Variants in TTLL7 observed in about 807,000 individuals in gnomAD.
TTLL7 encodes the protein tubulin tyrosine ligase like 7, also known as tubulin polyglutamylase TTLL7.
Under a neutral mutation model 120.2 loss-of-function variants are expected in TTLL7, and 53 were observed. The observed-to-expected ratio is 0.44, with a 90% CI of 0.35 to 0.55. TTLL7 has a LOEUF of 0.55. TTLL7 is among the 20% of genes least tolerant of loss of function. The pLI is 0.00. For missense variants in TTLL7, 803 were observed against 1,054.7 expected, an observed-to-expected ratio of 0.76 and a Z score of 3.31; for synonymous variants, 353 against 351.7, an observed-to-expected ratio of 1.00 and a Z score of -0.04.
intron 1 of TTLL7, among the ~76,000 whole-genome samples, chr1:83,983,474 T>C (rs1652162998): frequency 6.6e-6 from 1 of 152,082 alleles, no homozygotes; most frequent in Admixed American, 6.5e-5. Flanking sequence ...TCAAGATGGA[T>C]TAAAGATTTA....
At chr1:83,872,085 A>G (rs1653467954) in intron 20 of TTLL7, among the ~76,000 whole-genome samples, 1 of 152,166 alleles carries the variant, frequency 6.6e-6, no homozygotes, top group Non-Finnish European at 1.5e-5. Flanking sequence ...TGTAGAAAGA[A>G]ATGCATTATA....
intron 1 of TTLL7, among the ~76,000 whole-genome samples, chr1:83,974,010 C>T (rs771361531): frequency 6.6e-6 from 1 of 151,868 alleles, no homozygotes; most frequent in African/African-American, 2.4e-5. Context: ...AAGATTTTTG[C>T]GGTTCACTCT....
chr1:83,956,591 C>T (rs1344828643), intron 1 of TTLL7, among the ~76,000 whole-genome samples: 1 of 152,082 alleles, frequency 6.6e-6, no homozygotes, highest in Non-Finnish European at 1.5e-5. Context: ...CCACACCTGG[C>T]TAATTGTTTT....
chr1:83,998,087 T>C (rs987425420), intron 1 of TTLL7, among the ~76,000 whole-genome samples: 4 of 152,186 alleles, frequency 2.6e-5, no homozygotes, highest in African/African-American at 9.7e-5. Context: ...AGAGCATATA[T>C]ATGTACACTT....
At chr1:83,971,189 T>A (rs1300615016) in intron 1 of TTLL7, among the ~76,000 whole-genome samples, 3 of 152,068 alleles carry the variant, frequency 2.0e-5, no homozygotes, top group Non-Finnish European at 2.9e-5. Context: ...TCAACACTTA[T>A]CCCTAAATTA....
intron 15 of TTLL7, among the ~76,000 whole-genome samples, chr1:83,908,819 T>A (rs1657435964): frequency 6.6e-6 from 1 of 151,872 alleles, no homozygotes; most frequent in Non-Finnish European, 1.5e-5. Context: ...TGAAAAAAAA[T>A]TTAAACCTTT....
rs1383005085 is a variant in TTLL7, at chr1:83,949,922, A to C, written c.222T>G (p.Leu74=). 6.2e-7 allele frequency: 1 copy of C among 1,613,564 alleles called. No homozygotes were observed. The highest frequency in any genetic ancestry group is 8.5e-7 in the Non-Finnish European group (1 of 1,179,854). The change falls in exon 4 of 21, where the codon CTT becomes CTG. Residue 74 remains leucine, a synonymous_variant. Transcript: ENST00000260505. ...GCTGAACAGCAGAATCACACCATAT[A>C]AGATTACTTGTTTCATCCTCATCTG... ...KTPDEDETSN[L]IWCDSAVQQE... is the part of the protein sequence containing the mutation.
In TTLL7 at chr1:83,933,645, A is replaced by C; in HGVS notation, c.1010T>G (p.Ile337Ser). Reference sequence around the variant, plus strand: ...TGGCTTTAGTTTTCTATCCAACAAAATATCAAATCCCAGGACTTCAAAGCA... The same window carrying C: ...TGGCTTTAGTTTTCTATCCAACAAACTATCAAATCCCAGGACTTCAAAGCA... Reference protein sequence around the residue: ...SVCFEVLGFDILLDRKLKPWL... With the variant: ...SVCFEVLGFDSLLDRKLKPWL... Residue 337 changes from isoleucine to serine, a missense_variant, in exon 9 of 21, where the codon ATT becomes AGT. By Grantham distance (142) the Ile-to-Ser change is moderately radical (BLOSUM62 -2). This residue lies in a region of TTLL7 where 324 missense variants were observed against 507.7 expected (regional missense o/e 0.64). Transcript: ENST00000260505. 3.7e-6 allele frequency: 6 copies of C among 1,613,618 alleles called. No individual in the cohort carries two copies. Among genetic ancestry groups the C allele is most frequent in the Non-Finnish European group, 5.1e-6 (6 of 1,179,714 alleles).
rs1416862425 is a variant in TTLL7 at position 83,933,807 on chromosome 1, CTCATT to C, written c.889-46_889-42del. The C allele has an allele frequency of 2.5e-6, 4 of 1,580,064 alleles. No homozygotes were observed. In the African/African-American group the frequency reaches 4.1e-5, roughly 16 times the overall value. On this transcript the variant is annotated intron_variant, in intron 8 of 20. Coordinates refer to ENST00000260505, the MANE Select transcript of TTLL7 (RefSeq NM_024686.6). ...AAAAGAAGTGAAAATGCCTTTGTAT[CTCATT>C]TCATATGTGCAAATATAACCGGGGC...
At chr1:83,991,522 T>C (rs1191887643) in intron 1 of TTLL7, among the ~76,000 whole-genome samples, 4 of 152,108 alleles carry the variant, frequency 2.6e-5, no homozygotes, top group African/African-American at 9.7e-5. Flanking sequence ...GGTACACCTG[T>C]AGTCCCAGCT....
At chr1:83,905,628 C>G (rs1209469538) in intron 17 of TTLL7, among the ~76,000 whole-genome samples, 1 of 150,770 alleles carries the variant, frequency 6.6e-6, no homozygotes, top group Non-Finnish European at 1.5e-5. Flanking sequence ...CATATGGCCC[C>G]CAAAAAACAA....
intron 1 of TTLL7, 104 bp from the exon 2 acceptor site, chr1:83,952,491 G>A (rs1571293335): frequency 6.1e-6 from 2 of 325,698 alleles, no homozygotes; most frequent in Non-Finnish European, 1.1e-5. Flanking sequence ...AAGTTAATGT[G>A]TTCAATCAAC....
chr1:83,995,883 A>G (rs916019479), intron 1 of TTLL7, among the ~76,000 whole-genome samples: 1 of 152,244 alleles, frequency 6.6e-6, no homozygotes, highest in Non-Finnish European at 1.5e-5. Flanking sequence ...AGGAACAATT[A>G]GGCAATGATA....
chr1:83,964,319 T>C (rs1234474646), intron 1 of TTLL7, among the ~76,000 whole-genome samples: 2 of 152,104 alleles, frequency 1.3e-5, no homozygotes, highest in East Asian at 3.9e-4. Flanking sequence ...CAAACAATCA[T>C]GGAATGCAGA....
intron 17 of TTLL7, among the ~76,000 whole-genome samples, chr1:83,904,996 C>A (rs542399996): frequency 6.6e-6 from 1 of 151,944 alleles, no homozygotes; most frequent in African/African-American, 2.4e-5. Flanking sequence ...ATAGAACAAT[C>A]ATGATAGTCA....
At chr1:83,928,766 G>GTC (rs1043366342) in intron 10 of TTLL7, among the ~76,000 whole-genome samples, 1 of 151,882 alleles carries the variant, frequency 6.6e-6, no homozygotes, top group African/African-American at 2.4e-5. Flanking sequence ...AATCTAGAGG[G>GTC]TCTCTTAAAG....
intron 12 of TTLL7, among the ~76,000 whole-genome samples, chr1:83,920,809 C>CT (rs1218032763): frequency 2.0e-5 from 3 of 152,024 alleles, no homozygotes; most frequent in Admixed American, 2.0e-4. Flanking sequence ...TGAATTCTGA[C>CT]TTTTTTTAAA....
Position 83,947,253 on chromosome 1 carries a change from G to A in TTLL7, c.377C>T (p.Thr126Ile). ...KMIKSRPLDYTFVPRTWIFPA... is the reference protein window; with the variant it reads ...KMIKSRPLDYIFVPRTWIFPA... The stretch of plus-strand genomic sequence containing the variant: ...AAAGATCCAAGTTCGAGGAACAAAG[G>A]TATAATCCAGAGGCCGAGACTTGAT... Residue 126 changes from threonine to isoleucine, a missense_variant, in exon 6 of 21, where the codon ACC becomes ATC. Transcript: ENST00000260505. The A allele has an allele frequency of 6.2e-7, 1 of 1,610,884 alleles. No homozygotes were observed.
At chr1:83,938,300 G>A (rs1647608795) in intron 7 of TTLL7, among the ~76,000 whole-genome samples, 2 of 152,134 alleles carry the variant, frequency 1.3e-5, no homozygotes, top group South Asian at 4.1e-4. Context: ...TAATTAAAAT[G>A]TGAAACTACA....
Sources: gnomAD v4.1 joint callset for allele counts (sites outside exome capture counted in the v4.1 genomes callset) on GRCh38, gnomAD v4.1.1 for gene constraint, gnomAD v4.1.1 regional missense constraint, MANE v1.5 for transcripts, NCBI Gene and HGNC (gene_info 2026-07-23, HGNC 2026-07-21) for gene names.